The following HDAC9 variants were observed in gnomAD, a reference collection of about 807,000 sequenced individuals.
HDAC9 encodes histone deacetylase 9, also known as MEF-2 interacting transcription repressor (MITR) protein.
A neutral mutation model predicts 139.4 loss-of-function variants in HDAC9; 41 were observed. The observed-to-expected ratio is 0.29, with a 90% confidence interval of 0.23 to 0.38. The LOEUF (loss-of-function observed/expected upper bound fraction) is 0.38. HDAC9 is among the 10% of genes least tolerant of loss of function. The pLI is 1.00. For synonymous variants in HDAC9, 517 were observed against 476.2 expected, an observed-to-expected ratio of 1.09 and a Z score of -1.12; for missense variants, 1,147 against 1,297.0, an observed-to-expected ratio of 0.88 and a Z score of 1.78.
At chr7:18,671,308 C>T (rs1054895082) in intron 12 of HDAC9, among the ~76,000 whole-genome samples, 1 of 151,956 alleles carries the variant, frequency 6.6e-6, no homozygotes, top group African/African-American at 2.4e-5. Flanking sequence ...TCGAGGGAAA[C>T]AGGTTCTGAC....
At chr7:18,667,185 A>G (rs1584790113) in intron 12 of HDAC9, 1 of 985,318 alleles carries the variant, frequency 1.0e-6, no homozygotes, top group South Asian at 4.7e-5. Flanking sequence ...TTTTACTTTT[A>G]TTTTGTGTAA....
At chr7:18,991,848 A>G (rs971132070) in intron 25 of HDAC9, among the ~76,000 whole-genome samples, 3 of 152,218 alleles carry the variant, frequency 2.0e-5, no homozygotes, top group Non-Finnish European at 4.4e-5. Flanking sequence ...GTAAACATTC[A>G]ATTAGAATAT....
intron 2 of HDAC9, among the ~76,000 whole-genome samples, chr7:18,205,056 G>A (rs1018522430): frequency 1.3e-5 from 2 of 151,834 alleles, no homozygotes; most frequent in African/African-American, 4.8e-5. Flanking sequence ...AATACACATA[G>A]GGAGTTAGAG....
At position 18,480,065 on chromosome 7, in the gene HDAC9, G is replaced by T. The variant is rs73309547; in HGVS notation, c.-41-16197G>T. On this transcript the variant is annotated intron_variant, in intron 1 of 3. Transcript: ENST00000413509. The stretch of plus-strand genomic sequence containing the variant: ...CTTTCTATTTTTTTTTCCCTAGTCT[G>T]CTGCCAACGAACTTTTTAGAATTTT... Among the ~76,000 whole-genome samples, 825 of 137,512 alleles carry T rather than the reference G, an allele frequency of 6.0e-3. 10 individuals carry two copies. Among genetic ancestry groups the T allele is most frequent in the African/African-American group, 0.022 (794 of 36,284 alleles). 90.2% of individuals were successfully genotyped at this position (137,512 alleles called of 152,430 possible). A position where few individuals can be genotyped will look rare whatever the true frequency, so the allele number is the denominator to read the frequency against.
chr7:18,875,555 T>C (rs1799257867), intron 22 of HDAC9, among the ~76,000 whole-genome samples: 1 of 152,218 alleles, frequency 6.6e-6, no homozygotes, highest in South Asian at 2.1e-4. Context: ...CTAATTGTTC[T>C]AGTAACATTG....
chr7:18,371,603 G>C (rs998189494), intron 1 of HDAC9, among the ~76,000 whole-genome samples: 3 of 152,120 alleles, frequency 2.0e-5, no homozygotes, highest in Non-Finnish European at 4.4e-5. Context: ...ACATTGAAAA[G>C]TACTATACAG....
At chr7:18,584,329 C>T (rs558221189) in intron 2 of HDAC9, among the ~76,000 whole-genome samples, 7 of 151,778 alleles carry the variant, frequency 4.6e-5, no homozygotes, top group African/African-American at 1.4e-4. Context: ...GGGGTTTCAC[C>T]GTGTTGGCCA....
chr7:18,811,046 A>G (rs1025936426), intron 17 of HDAC9, among the ~76,000 whole-genome samples: 4 of 151,850 alleles, frequency 2.6e-5, no homozygotes, highest in African/African-American at 9.7e-5. Flanking sequence ...TTATAAGAAA[A>G]TGACAAACTA....
intron 2 of HDAC9, among the ~76,000 whole-genome samples, chr7:18,541,935 C>T (rs541822140): frequency 6.6e-6 from 1 of 152,212 alleles, no homozygotes; most frequent in Admixed American, 6.5e-5. Flanking sequence ...CAGATATATC[C>T]ATTTAGATCA....
chr7:18,875,072 C>A (rs1799218345), intron 22 of HDAC9, among the ~76,000 whole-genome samples: 1 of 152,152 alleles, frequency 6.6e-6, no homozygotes, highest in African/African-American at 2.4e-5. Context: ...TGTCTATGGG[C>A]AACCCTCATA....
intron 2 of HDAC9, among the ~76,000 whole-genome samples, chr7:18,574,098 G>C (rs189879484): frequency 8.1e-4 from 123 of 152,386 alleles, no homozygotes; most frequent in Non-Finnish European, 1.2e-3. Context: ...CAGTTCTCAA[G>C]AGACCCAAAG....
chr7:18,175,744 A>C (rs984331615), intron 2 of HDAC9, among the ~76,000 whole-genome samples: 1 of 148,522 alleles, frequency 6.7e-6, no homozygotes, highest in African/African-American at 2.5e-5. Context: ...ATAAGCTTTG[A>C]GGTAATCTGT....
intron 1 of HDAC9, among the ~76,000 whole-genome samples, chr7:18,325,997 T>G (rs890772067): frequency 2.4e-4 from 37 of 152,226 alleles, no homozygotes; most frequent in African/African-American, 8.7e-4. Flanking sequence ...ATCTCTGTTG[T>G]TAAGCCACAC....
At chr7:18,447,835 T>C (rs976109649) in intron 1 of HDAC9, among the ~76,000 whole-genome samples, 81 of 152,146 alleles carry the variant, frequency 5.3e-4, no homozygotes, top group Non-Finnish European at 6.3e-4. Context: ...AGAACACAAC[T>C]AGAGCGTATA....
intron 1 of HDAC9, among the ~76,000 whole-genome samples, chr7:18,414,350 A>G (rs1788849275): frequency 6.6e-6 from 1 of 151,996 alleles, no homozygotes; most frequent in Non-Finnish European, 1.5e-5. Flanking sequence ...GTTTTTTCTT[A>G]TCAAATAATA....
intron 1 of HDAC9, among the ~76,000 whole-genome samples, chr7:18,373,236 CGAGT>C (rs1784730953): frequency 1.3e-5 from 2 of 151,962 alleles, no homozygotes; most frequent in Non-Finnish European, 2.9e-5. Flanking sequence ...TGAGCACTAA[CGAGT>C]AAGAAAAGGT....
intron 2 of HDAC9, among the ~76,000 whole-genome samples, chr7:18,173,576 T>G (rs538497843): frequency 1.2e-3 from 176 of 152,354 alleles, no homozygotes; most frequent in South Asian, 6.8e-3. Context: ...GGCATGTTTT[T>G]GCAGTGGCTG....
chr7:18,368,820 G>C (rs1053431397), intron 1 of HDAC9, among the ~76,000 whole-genome samples: 5 of 152,092 alleles, frequency 3.3e-5, no homozygotes, highest in African/African-American at 1.2e-4. Context: ...ATGCCTCTCT[G>C]TGGTGCCCCT....
At chr7:18,761,147 T>C (rs1789349902) in intron 14 of HDAC9, among the ~76,000 whole-genome samples, 1 of 152,224 alleles carries the variant, frequency 6.6e-6, no homozygotes, top group Admixed American at 6.5e-5. Context: ...CACAGCCATT[T>C]CCAAAAGTTA....
Sources: allele counts gnomAD v4.1 joint callset (sites outside exome capture counted in the v4.1 genomes callset), GRCh38; gene constraint gnomAD v4.1.1; transcripts MANE v1.5; gene names NCBI Gene and HGNC (gene_info 2026-07-23, HGNC 2026-07-21).